SGK3: variants seen among roughly 807,000 people sequenced by gnomAD.
SGK3 encodes the protein serine/threonine-protein kinase Sgk3.
In SGK3, 47 loss-of-function variants were observed where a neutral mutation model predicts 68.5. That is an observed-to-expected ratio of 0.69 (90% confidence interval 0.54 to 0.87). The LOEUF (loss-of-function observed/expected upper bound fraction) is 0.87, where lower values mean the gene tolerates loss of function less well. SGK3 is among the 40% of genes least tolerant of loss of function. The probability of loss-of-function intolerance (pLI) is 0.00; values close to 1 mark genes in which losing one functional copy is unlikely to be tolerated. For missense variants in SGK3, 479 were observed against 575.5 expected, an observed-to-expected ratio of 0.83 and a Z score of 1.72; for synonymous variants, 181 against 189.1, an observed-to-expected ratio of 0.96 and a Z score of 0.35.
chr8:66,725,550 CCCGGAGTTT>C (rs1351492383), intron 1 of SGK3, among the ~76,000 whole-genome samples: 2 of 151,778 alleles, frequency 1.3e-5, no homozygotes, highest in South Asian at 4.2e-4. Context: ...AAAATCATGT[CCCGGAGTTT>C]CCTGACTTAA....
intron 1 of SGK3, among the ~76,000 whole-genome samples, chr8:66,727,105 C>CT (rs1490612813): frequency 9.9e-5 from 15 of 151,870 alleles, no homozygotes; most frequent in African/African-American, 3.6e-4. Context: ...ATCTGAATTC[C>CT]TTTTTGTTTT....
At chr8:66,826,022 G>A (rs1352314657) in intron 6 of SGK3, among the ~76,000 whole-genome samples, 2 of 151,782 alleles carry the variant, frequency 1.3e-5, no homozygotes, top group Non-Finnish European at 2.9e-5. Context: ...GCCCATGCTG[G>A]AATGCAATGG....
At position 66,843,641 on chromosome 8, in the gene SGK3, A is replaced by T; in HGVS notation, c.1074+94A>T. 3 of 1,265,386 alleles carry T rather than the reference A, an allele frequency of 2.4e-6. No individual in the cohort carries two copies. The South Asian group carries it at 3.9e-5, about 17-fold the overall frequency. 78.4% of individuals were successfully genotyped at this position (1,265,386 alleles called of 1,614,324 possible). A position where few individuals can be genotyped will look rare whatever the true frequency, so the allele number is the denominator to read the frequency against. On this transcript the variant is annotated intron_variant, in intron 14 of 16. Transcript: ENST00000521198. ...CCTTAAGAATCTCATGGACACTTAG[A>T]TAACACTAACAGAGCAGTAATAGTC...
chr8:66,814,407 ATCT>A (rs1808498843), intron 5 of SGK3, among the ~76,000 whole-genome samples: 1 of 152,338 alleles, frequency 6.6e-6, no homozygotes, highest in African/African-American at 2.4e-5. Context: ...GTGTAGGCAT[ATCT>A]TCTTGAGGAG....
chr8:66,752,778 G>A (rs1452368382), intron 1 of SGK3, among the ~76,000 whole-genome samples: 1 of 152,184 alleles, frequency 6.6e-6, no homozygotes, highest in East Asian at 1.9e-4. Context: ...TTTTCGGCGA[G>A]ACAAGGACAT....
chr8:66,817,281 A>AGAGG (rs1808629278), intron 5 of SGK3, among the ~76,000 whole-genome samples: 1 of 152,002 alleles, frequency 6.6e-6, no homozygotes. Context: ...AAATACAAAA[A>AGAGG]TTAACCAGGC....
In SGK3 at chr8:66,837,898, G is replaced by A. The variant is rs754196353; in HGVS notation, c.741+1824G>A. ...CATTGTTTTCACCTTGAAGGTTGTC[G>A]TTTAATTTTGTGTGTGCCCAAGTGC... On this transcript the variant is annotated intron_variant, in intron 10 of 16. Transcript: ENST00000521198. Among the ~76,000 whole-genome samples the A allele has an allele frequency of 2.5e-4, 38 of 152,160 alleles. 1 individual carries two copies. The highest frequency in any genetic ancestry group is 2.6e-4 in the Admixed American group (4 of 15,268).
intron 2 of SGK3, among the ~76,000 whole-genome samples, chr8:66,795,518 C>T (rs1230976731): frequency 6.6e-6 from 1 of 152,072 alleles, no homozygotes; most frequent in Non-Finnish European, 1.5e-5. Context: ...TGCCTTTGGG[C>T]CATTCTTTTC....
At position 66,839,712 on chromosome 8, in the gene SGK3, A is replaced by G. The variant is rs913798747; in HGVS notation, c.742-291A>G. ...TTGATCTTCATCGATAATCTTTTCC[A>G]GAACAGTTGCCTGGAAGGGTGAGGA... On this transcript the variant is annotated intron_variant, in intron 10 of 16. Transcript: ENST00000521198. 10 of 271,876 alleles carry G rather than the reference A, an allele frequency of 3.7e-5. No individual in the cohort carries two copies. The Admixed American group carries it at 4.1e-4, about 11-fold the overall frequency. The allele number at this position is 271,876 out of a possible 1,614,324, so 16.8% of individuals were successfully genotyped here.
chr8:66,765,148 A>G (rs1402273487), intron 1 of SGK3, among the ~76,000 whole-genome samples: 2 of 152,248 alleles, frequency 1.3e-5, no homozygotes, highest in African/African-American at 4.8e-5. Context: ...ATTGTTTTCC[A>G]CAGCAGCCAC....
intron 3 of SGK3, among the ~76,000 whole-genome samples, chr8:66,800,408 T>G (rs1020311442): frequency 1.4e-5 from 2 of 147,954 alleles, no homozygotes; most frequent in African/African-American, 5.0e-5. Flanking sequence ...TATTATACTT[T>G]AAGTTTTAGG....
At chr8:66,719,790 T>C (rs1804746063) in intron 1 of SGK3, among the ~76,000 whole-genome samples, 1 of 152,250 alleles carries the variant, frequency 6.6e-6, no homozygotes, top group South Asian at 2.1e-4. Context: ...ACCAAAGTAA[T>C]ACTTTTTTGG....
intron 16 of SGK3, among the ~76,000 whole-genome samples, chr8:66,856,235 T>C (rs1810500338): frequency 6.6e-6 from 1 of 152,084 alleles, no homozygotes. Context: ...GCTGGGCTAA[T>C]TTTTTGTATT....
chr8:66,811,370 G>A (rs1808376532), intron 4 of SGK3, among the ~76,000 whole-genome samples: 1 of 152,098 alleles, frequency 6.6e-6, no homozygotes, highest in African/African-American at 2.4e-5. Flanking sequence ...ATACATTCAT[G>A]TAACTTCTTC....
At chr8:66,763,724 A>G (rs1806237204) in intron 1 of SGK3, among the ~76,000 whole-genome samples, 1 of 152,130 alleles carries the variant, frequency 6.6e-6, no homozygotes, top group South Asian at 2.1e-4. Flanking sequence ...TCATACTGAT[A>G]CTTCCAATTG....
intron 1 of SGK3, among the ~76,000 whole-genome samples, chr8:66,788,707 T>A (rs7820637): frequency 0.029 from 4,487 of 152,286 alleles, 214 homozygotes; most frequent in African/African-American, 0.1. Context: ...AAGGTGTAGT[T>A]ATTTCTCTCA....
intron 1 of SGK3, among the ~76,000 whole-genome samples, chr8:66,783,714 A>G (rs1807085088): frequency 6.6e-6 from 1 of 151,812 alleles, no homozygotes; most frequent in African/African-American, 2.4e-5. Context: ...TTTGGTAGAG[A>G]TGAGGTCTCG....
At chr8:66,822,507 G>T in intron 6 of SGK3, 48 bp downstream of exon 6, 28 of 1,570,080 alleles carry the variant, frequency 1.8e-5, no homozygotes, top group Non-Finnish European at 2.4e-5. Flanking sequence ...CTATTCCAAA[G>T]GTGAAATTAG....
At chr8:66,744,564 T>A (rs1805593936) in intron 1 of SGK3, among the ~76,000 whole-genome samples, 1 of 134,540 alleles carries the variant, frequency 7.4e-6, no homozygotes, top group African/African-American at 2.7e-5. Flanking sequence ...TCTCACTCTG[T>A]TGCAAAGGCT....
Sources: allele counts gnomAD v4.1 joint callset (sites outside exome capture counted in the v4.1 genomes callset), GRCh38; gene constraint gnomAD v4.1.1; transcripts MANE v1.5; gene names NCBI Gene and HGNC (gene_info 2026-07-23, HGNC 2026-07-21).